Variants in SH3D19 observed in about 807,000 individuals in gnomAD.
SH3D19 encodes SH3 domain-containing protein 19.
A neutral mutation model predicts 112.1 loss-of-function variants in SH3D19; 58 were observed. The observed-to-expected ratio is 0.52, with a 90% CI of 0.42 to 0.64. SH3D19 has a LOEUF of 0.64. SH3D19 is among the 30% of genes least tolerant of loss of function. The pLI, the probability that SH3D19 is intolerant of heterozygous loss-of-function variation, is 0.00. For missense variants in SH3D19, 1,090 were observed against 1,263.4 expected (o/e 0.86, Z 2.08); for synonymous variants, 391 against 448.5 (o/e 0.87, Z 1.62).
chr4:151,212,498 C>T (rs1431906995), intron 2 of SH3D19, among the ~76,000 whole-genome samples: 1 of 152,174 alleles, frequency 6.6e-6, no homozygotes, highest in Non-Finnish European at 1.5e-5. Context: ...ATCTATTCTG[C>T]CAGTGCCAGT....
intron 11 of SH3D19, among the ~76,000 whole-genome samples, chr4:151,144,599 G>A (rs571082672): frequency 8.0e-4 from 122 of 152,326 alleles, no homozygotes; most frequent in Admixed American, 2.2e-3. Flanking sequence ...GTTTGAAGGA[G>A]AAACACCCAG....
chr4:151,150,310 CATATATATATACATAT>C (rs1001723823), intron 9 of SH3D19, among the ~76,000 whole-genome samples: 3 of 135,336 alleles, frequency 2.2e-5, no homozygotes, highest in African/African-American at 8.3e-5. Context: ...TATACACACA[CATATATATATACATAT>C]ATATATATAT....
At chr4:151,158,692 A>T (rs893533316) in intron 9 of SH3D19, among the ~76,000 whole-genome samples, 2 of 151,630 alleles carry the variant, frequency 1.3e-5, no homozygotes, top group Non-Finnish European at 2.9e-5. Flanking sequence ...CAAAAAAAAA[A>T]AATAAATAAA....
At chr4:151,299,038 T>C (rs189099306) in intron 1 of SH3D19, among the ~76,000 whole-genome samples, 162 of 152,356 alleles carry the variant, frequency 1.1e-3, no homozygotes, top group Non-Finnish European at 2.0e-3. Flanking sequence ...TCATGGTCAA[T>C]ATGCCACTGA....
At chr4:151,174,153 C>T (rs1759529938) in intron 7 of SH3D19, among the ~76,000 whole-genome samples, 1 of 152,170 alleles carries the variant, frequency 6.6e-6, no homozygotes, top group Non-Finnish European at 1.5e-5. Context: ...CGAGTCCTCC[C>T]CTGGAGCTGG....
chr4:151,250,297 C>G (rs184052997), intron 1 of SH3D19, among the ~76,000 whole-genome samples: 8 of 152,092 alleles, frequency 5.3e-5, no homozygotes, highest in Non-Finnish European at 1.0e-4. Context: ...TGTTATGCAG[C>G]TATTTTAAAG....
intron 2 of SH3D19, among the ~76,000 whole-genome samples, chr4:151,205,335 G>A (rs1028519534): frequency 6.6e-6 from 1 of 152,196 alleles, no homozygotes; most frequent in Non-Finnish European, 1.5e-5. Context: ...TACACTTGAA[G>A]ATTGTTTGCT....
chr4:151,197,304 C>A (rs1763622747), intron 2 of SH3D19, among the ~76,000 whole-genome samples: 1 of 152,196 alleles, frequency 6.6e-6, no homozygotes, highest in Non-Finnish European at 1.5e-5. Flanking sequence ...AGTCATTATA[C>A]CGAAAAGATA....
intron 1 of SH3D19, chr4:151,277,130 G>T: frequency 7.4e-7 from 1 of 1,354,202 alleles, no homozygotes; most frequent in Non-Finnish European, 9.6e-7. Context: ...GGGAGCCTGA[G>T]TCCAGGAAGC....
intron 1 of SH3D19, among the ~76,000 whole-genome samples, chr4:151,325,036 A>G (rs1347485496): frequency 2.0e-5 from 3 of 152,224 alleles, no homozygotes; most frequent in Non-Finnish European, 4.4e-5. Context: ...CTAGCAGTTA[A>G]AGACGGGTCT....
chr4:151,227,686 TATA>T, intron 1 of SH3D19: 1 of 924,408 alleles, frequency 1.1e-6, no homozygotes, highest in Non-Finnish European at 1.3e-6. Context: ...AAAAATGAAG[TATA>T]ATGTCTCAAA....
intron 17 of SH3D19, among the ~76,000 whole-genome samples, chr4:151,131,298 CT>C (rs33996089): frequency 0.86 from 130,218 of 151,096 alleles, 56,799 homozygotes; most frequent in Non-Finnish European, 0.95. Flanking sequence ...TACTTTCTCT[CT>C]TTTTTTTTTA....
intron 9 of SH3D19, among the ~76,000 whole-genome samples, chr4:151,158,327 C>G (rs1756510928): frequency 6.6e-6 from 1 of 152,044 alleles, no homozygotes; most frequent in Non-Finnish European, 1.5e-5. Flanking sequence ...GAGATGGAGT[C>G]TCACTCTGTC....
In SH3D19 at chr4:151,175,527, GGCACTGGACATCTTGTA is replaced by G. The variant is rs1759803557; in HGVS notation, c.660_676del (p.Thr221LysfsTer18). The G allele has an allele frequency of 7.1e-7, 1 of 1,403,744 alleles. No homozygotes were observed. The highest frequency in any genetic ancestry group is 1.7e-5 in the South Asian group (1 of 58,078). The allele number at this position is 1,403,744 out of a possible 1,614,324, so 87.0% of individuals were successfully genotyped here. A position where few individuals can be genotyped will look rare whatever the true frequency, so the allele number is the denominator to read the frequency against. ...GAGGTTGCTTTTTGATCTTGGTTTT[GGCACTGGACATCTTGTA>G]GCACTGGGGTTTTCTGGACAATTCG... On this transcript the variant is annotated frameshift_variant, in exon 7 of 20. Coordinates refer to ENST00000604030, the MANE Select transcript of SH3D19 (RefSeq NM_001378122.1). LOFTEE classifies it high-confidence loss of function.
intron 15 of SH3D19, among the ~76,000 whole-genome samples, chr4:151,134,847 T>C (rs538605514): frequency 1.1e-4 from 16 of 152,298 alleles, no homozygotes; most frequent in Middle Eastern, 3.4e-3. Flanking sequence ...TGTTTTCTTT[T>C]AAAATAAAGA....
At position 151,245,001 on chromosome 4, in the gene SH3D19, G is replaced by A. The variant is rs531072133; in HGVS notation, c.113-18915C>T. On this transcript the variant is annotated intron_variant, in intron 1 of 19. Transcript: ENST00000604030. ...CTACTAAAAATACAAAAAATTAGCCGGGTGTGGTGGCACACACCTGTAGTC... is the reference window on the plus strand; with the variant it reads ...CTACTAAAAATACAAAAAATTAGCCAGGTGTGGTGGCACACACCTGTAGTC... Among the ~76,000 whole-genome samples, 260 of 152,038 alleles carry A rather than the reference G, an allele frequency of 1.7e-3. 5 individuals carry two copies. In the South Asian group the frequency reaches 0.028, roughly 16 times the overall value.
At chr4:151,234,974 T>G (rs182599712) in intron 1 of SH3D19, among the ~76,000 whole-genome samples, 180 of 152,232 alleles carry the variant, frequency 1.2e-3, no homozygotes, top group African/African-American at 4.2e-3. Flanking sequence ...GGTCTCGAAC[T>G]CCTGGGCTCA....
At chr4:151,297,919 C>G (rs1380205937) in intron 1 of SH3D19, among the ~76,000 whole-genome samples, 1 of 151,936 alleles carries the variant, frequency 6.6e-6, no homozygotes, top group Non-Finnish European at 1.5e-5. Context: ...AGGATCAGGG[C>G]CAGGTATACT....
At chr4:151,279,240 A>AT (rs34523834) in intron 1 of SH3D19, 70,808 of 205,810 alleles carry the variant, frequency 0.34, 11,297 homozygotes, top group Non-Finnish European at 0.43. Context: ...TTCTTTTTCA[A>AT]TTTTTTTTTT....
Sources: gnomAD v4.1 joint callset for allele counts (sites outside exome capture counted in the v4.1 genomes callset) on GRCh38, gnomAD v4.1.1 for gene constraint, MANE v1.5 for transcripts, NCBI Gene and HGNC (gene_info 2026-07-23, HGNC 2026-07-21) for gene names.